Variants in CLN8 observed in about 807,000 individuals in gnomAD.
CLN8 encodes the protein CLN8 transmembrane ER and ERGIC protein.
CLN8 carries 14 observed loss-of-function variants against 15.7 expected under a neutral mutation model. The observed-to-expected ratio is 0.89, with a 90% CI of 0.59 to 1.39. The LOEUF is 1.39. Among genes scored for constraint, CLN8 ranks in the 40% most tolerant of loss-of-function variants. The pLI is 0.00. For missense variants in CLN8, 415 were observed against 364.0 expected, an observed-to-expected ratio of 1.14 and a Z score of -1.14; for synonymous variants, 188 against 151.0, an observed-to-expected ratio of 1.25 and a Z score of -1.80.
intron 1 of CLN8, among the ~76,000 whole-genome samples, chr8:1,767,410 C>A (rs1385996918): frequency 6.6e-6 from 1 of 152,114 alleles, no homozygotes; most frequent in Non-Finnish European, 1.5e-5. Context: ...CACCTATCTG[C>A]CACTTTTCTG....
upstream of CLN8, chr8:1,763,752 G>GAACGCGTGCGCACGCGCGTC (rs1563102127): frequency 1.4e-5 from 2 of 141,268 alleles, no homozygotes; most frequent in Non-Finnish European, 3.1e-5. Flanking sequence ...GCACGCGCGT[G>GAACGCGTGCGCACGCGCGTC]CGAACGCGCG....
intron 2 of CLN8, among the ~76,000 whole-genome samples, chr8:1,778,862 A>G (rs1801612662): frequency 6.6e-6 from 1 of 152,202 alleles, no homozygotes; most frequent in Admixed American, 6.5e-5. Flanking sequence ...ATGGGGTTAC[A>G]TCCCAATAAG....
chr8:1,770,460 A>G (rs78029124), intron 1 of CLN8, among the ~76,000 whole-genome samples: 4 of 152,308 alleles, frequency 2.6e-5, no homozygotes, highest in East Asian at 1.9e-4. Context: ...AAGGCATTCC[A>G]TGGCCTTAAC....
intron 2 of CLN8, among the ~76,000 whole-genome samples, chr8:1,775,374 A>G (rs1205057801): frequency 1.3e-5 from 2 of 152,190 alleles, no homozygotes; most frequent in African/African-American, 2.4e-5. Context: ...GGGTGACTGT[A>G]TATTTAAGTA....
intron 1 of CLN8, 168 bp downstream of exon 1, chr8:1,764,053 G>T (rs1585125597): frequency 6.6e-6 from 1 of 151,902 alleles, no homozygotes; most frequent in East Asian, 2.0e-4. Context: ...TGAGGGGACC[G>T]GGGATCCCAG....
chr8:1,753,636 C>A (rs1214522041), upstream of CLN8, among the ~76,000 whole-genome samples: 1 of 149,038 alleles, frequency 6.7e-6, no homozygotes. Context: ...CCTGTAATCC[C>A]ACACTTTTGG....
At chr8:1,758,351 TTGA>T in intron 1 of CLN8, 1 of 152,124 alleles carries the variant, frequency 6.6e-6, no homozygotes, top group South Asian at 2.1e-4. Context: ...TGTAAATTAG[TTGA>T]TGAGATTTAT....
At chr8:1,753,366 T>C (rs1800596202), upstream of CLN8, among the ~76,000 whole-genome samples, 1 of 151,130 alleles carries the variant, frequency 6.6e-6, no homozygotes, top group South Asian at 2.1e-4. Context: ...AGATCAGGAG[T>C]TCGAGACCAG....
chr8:1,754,859 G>C (rs1046817728), upstream of CLN8, among the ~76,000 whole-genome samples: 1 of 152,166 alleles, frequency 6.6e-6, no homozygotes, highest in Non-Finnish European at 1.5e-5. Flanking sequence ...TGGTGCCCTG[G>C]GGTCAAACAG....
At chr8:1,772,258 T>G (rs1801342200) in intron 2 of CLN8, among the ~76,000 whole-genome samples, 1 of 149,064 alleles carries the variant, frequency 6.7e-6, no homozygotes. Context: ...TTAGAAAAAC[T>G]GAAGTAATAT....
chr8:1,764,887 A>T (rs1800985376), intron 1 of CLN8, among the ~76,000 whole-genome samples: 1 of 152,148 alleles, frequency 6.6e-6, no homozygotes, highest in Non-Finnish European at 1.5e-5. Flanking sequence ...CTCTGTGTGA[A>T]ATCTGTAACT....
chr8:1,767,994 G>A (rs1179286079), intron 1 of CLN8, among the ~76,000 whole-genome samples: 2 of 151,422 alleles, frequency 1.3e-5, no homozygotes, highest in Non-Finnish European at 2.9e-5. Flanking sequence ...CCAGGTTGAA[G>A]TGCAGTTGTG....
At chr8:1,776,857 A>G (rs890480315) in intron 2 of CLN8, among the ~76,000 whole-genome samples, 5 of 152,170 alleles carry the variant, frequency 3.3e-5, no homozygotes, top group Non-Finnish European at 7.3e-5. Flanking sequence ...AAGTCCCATC[A>G]TCAGTGGAAA....
upstream of CLN8, chr8:1,759,455 C>G (rs1482898908): frequency 6.6e-6 from 1 of 152,122 alleles, no homozygotes; most frequent in Non-Finnish European, 1.5e-5. Flanking sequence ...CTTGCTAGAA[C>G]CACTTGGTAG....
At chr8:1,769,701 T>G (rs1801222722) in intron 1 of CLN8, among the ~76,000 whole-genome samples, 1 of 152,218 alleles carries the variant, frequency 6.6e-6, no homozygotes, top group Non-Finnish European at 1.5e-5. Context: ...TTTCAAGAAC[T>G]TGAGACTCTG....
Position 1,785,020 on chromosome 8 carries a change from G to A in CLN8, c.*4453G>A, listed in dbSNP as rs1801795000. On this transcript the variant is annotated 3_prime_UTR_variant, in exon 3 of 3. Transcript: ENST00000331222. ...GGGAGGAGATGTTGTGTGCATGTGAGAAAGCATTTGATAGCATGCCAAAAG... is the reference window on the plus strand; with the variant it reads ...GGGAGGAGATGTTGTGTGCATGTGAAAAAGCATTTGATAGCATGCCAAAAG... 1 of 152,576 alleles carries A rather than the reference G, an allele frequency of 6.6e-6. No individual in the cohort carries two copies. Among genetic ancestry groups the A allele is most frequent in the Non-Finnish European group, 1.5e-5 (1 of 68,238 alleles). The allele number at this position is 152,576 out of a possible 1,614,324, so 9.5% of individuals were successfully genotyped here.
intron 2 of CLN8, 97 bp downstream of exon 2, chr8:1,771,694 G>T: frequency 9.1e-7 from 1 of 1,100,480 alleles, no homozygotes; most frequent in Non-Finnish European, 1.3e-6. Flanking sequence ...CAGCAGGCTG[G>T]ATTGCAGCAC....
At chr8:1,755,640 A>T (rs1002970119), upstream of CLN8, 4 of 152,242 alleles carry the variant, frequency 2.6e-5, no homozygotes, top group African/African-American at 9.7e-5. Flanking sequence ...GGTTGGACGC[A>T]CCACAACCTG....
upstream of CLN8, among the ~76,000 whole-genome samples, chr8:1,753,076 G>A (rs1326777986): frequency 6.6e-6 from 1 of 152,302 alleles, no homozygotes; most frequent in East Asian, 1.9e-4. Context: ...ATCTTCCTCT[G>A]AGTTAGACGG....
Sources: allele counts gnomAD v4.1 joint callset (sites outside exome capture counted in the v4.1 genomes callset), GRCh38; gene constraint gnomAD v4.1.1; transcripts MANE v1.5; gene names NCBI Gene and HGNC (gene_info 2026-07-23, HGNC 2026-07-21).